SRGAP1: variants seen among roughly 807,000 people sequenced by gnomAD.
SRGAP1 encodes the protein SLIT-ROBO Rho GTPase-activating protein 1.
SRGAP1 carries 43 observed loss-of-function variants against 121.9 expected under a neutral mutation model. That is an observed-to-expected ratio of 0.35 (90% CI 0.28 to 0.46). The LOEUF is 0.46. SRGAP1 is among the 20% of genes least tolerant of loss of function. The pLI is 1.00. For synonymous variants in SRGAP1, 447 were observed against 485.4 expected, an observed-to-expected ratio of 0.92 and a Z score of 1.04; for missense variants, 1,102 against 1,350.9, an observed-to-expected ratio of 0.82 and a Z score of 2.89.
chr12:64,097,431 C>T, intron 15 of SRGAP1, 56 bp downstream of exon 15: 1 of 1,590,484 alleles, frequency 6.3e-7, no homozygotes, highest in Non-Finnish European at 8.6e-7. Flanking sequence ...TAGCTAACTT[C>T]CTGGAAAAGG....
rs532889233 is a variant in SRGAP1, at chr12:64,050,200, G to A, written c.801+6625G>A. On this transcript the variant is annotated intron_variant, in intron 6 of 21. Coordinates refer to ENST00000355086, the MANE Select transcript of SRGAP1 (RefSeq NM_020762.4). ...TTTCTTTTTCAGATTATGTGCTGTT[G>A]GCATATAGAAATGTTGATTTTGTAT... 3.9e-5 allele frequency among the ~76,000 whole-genome samples: 6 copies of A among 152,080 alleles called. No individual in the cohort carries two copies. In the East Asian group the frequency reaches 1.2e-3, roughly 29 times the overall value.
rs1279137521 is a variant in SRGAP1, at chr12:64,010,061, C to T, written c.427-6889C>T. On this transcript the variant is annotated intron_variant, in intron 3 of 21. Transcript: ENST00000355086. ...TGAGCTTTGGAAACTTAAAAGCACA[C>T]ATACTGTGGAAGTATGGCCTGATCC... 2.0e-5 allele frequency among the ~76,000 whole-genome samples: 3 copies of T among 152,144 alleles called. No individual in the cohort carries two copies. The East Asian group carries it at 5.8e-4, about 29-fold the overall frequency.
chr12:64,003,581 G>C (rs1210082800), intron 3 of SRGAP1, among the ~76,000 whole-genome samples: 1 of 150,606 alleles, frequency 6.6e-6, no homozygotes, highest in Admixed American at 6.6e-5. Context: ...CTCAATATCA[G>C]AATGGAGCTA....
intron 6 of SRGAP1, among the ~76,000 whole-genome samples, chr12:64,050,796 C>T (rs1029968028): frequency 1.6e-4 from 25 of 152,192 alleles, no homozygotes; most frequent in Admixed American, 5.9e-4. Context: ...GCAATCTCAG[C>T]TCACTGCAAC....
Position 64,143,005 on chromosome 12 carries a change from C to A in SRGAP1, c.*333C>A. 1 of 251,510 alleles carries A rather than the reference C, an allele frequency of 4.0e-6. No homozygotes were observed. The highest frequency in any genetic ancestry group is 7.8e-6 in the Non-Finnish European group (1 of 128,938). 15.6% of individuals were successfully genotyped at this position (251,510 alleles called of 1,614,324 possible). A position where few individuals can be genotyped will look rare whatever the true frequency, so the allele number is the denominator to read the frequency against. The stretch of plus-strand genomic sequence containing the variant: ...CAGGTTTAATGTAGCCCAGCTGAGT[C>A]AGAAAGGTTGTGACCTGAAGGCAGA... On this transcript the variant is annotated 3_prime_UTR_variant, in exon 22 of 22. Coordinates refer to ENST00000355086, the MANE Select transcript of SRGAP1 (RefSeq NM_020762.4).
chr12:63,881,182 A>G (rs922182397), intron 1 of SRGAP1, among the ~76,000 whole-genome samples: 6 of 152,196 alleles, frequency 3.9e-5, no homozygotes. Context: ...TAGAGTACAC[A>G]CAATGGTGTG....
chr12:63,935,315 A>G (rs1008658335), intron 1 of SRGAP1, among the ~76,000 whole-genome samples: 2 of 152,222 alleles, frequency 1.3e-5, no homozygotes, highest in African/African-American at 4.8e-5. Context: ...AAAAGCAGAT[A>G]AATTAGTCGA....
intron 3 of SRGAP1, among the ~76,000 whole-genome samples, chr12:63,999,676 G>A (rs1231429210): frequency 2.0e-5 from 3 of 152,112 alleles, no homozygotes; most frequent in Admixed American, 6.5e-5. Flanking sequence ...TGATGGGAAC[G>A]GGATTATGGA....
In SRGAP1 at chr12:64,146,186, CCATT is replaced by C. The variant is rs558505696; in HGVS notation, c.*3517_*3520del. 5.3e-5 allele frequency: 8 copies of C among 152,290 alleles called. No individual in the cohort carries two copies. In the East Asian group the frequency reaches 1.5e-3, roughly 29 times the overall value. The allele number at this position is 152,290 out of a possible 1,614,324, so 9.4% of individuals were successfully genotyped here. A position where few individuals can be genotyped will look rare whatever the true frequency, so the allele number is the denominator to read the frequency against. ...TCCATGTTCACGTTCAGTGTCAACA[CCATT>C]CAACAGCTTTGCACATCTTCGTACA... On this transcript the variant is annotated 3_prime_UTR_variant, in exon 22 of 22. Coordinates refer to ENST00000355086, the MANE Select transcript of SRGAP1 (RefSeq NM_020762.4).
intron 4 of SRGAP1, among the ~76,000 whole-genome samples, chr12:64,018,361 C>G (rs6581521): frequency 0.52 from 79,362 of 151,942 alleles, 22,759 homozygotes; most frequent in African/African-American, 0.76. Context: ...AAAGTGTTGG[C>G]ATTACAGGCA....
Position 63,948,954 on chromosome 12 carries a change from TC to T in SRGAP1, c.68-34991del, listed in dbSNP as rs1245768153. ...ATATATATATTTTCCATATATATAT[TC>T]CATATATATATTTTCCATATATATA... On this transcript the variant is annotated intron_variant, in intron 1 of 21. Coordinates refer to ENST00000355086, the MANE Select transcript of SRGAP1 (RefSeq NM_020762.4). Among the ~76,000 whole-genome samples the T allele has an allele frequency of 2.8e-3, 241 of 84,756 alleles. 80 individuals are homozygous for T. Among genetic ancestry groups the T allele is most frequent in the East Asian group, 0.012 (23 of 1,900 alleles). The allele number at this position is 84,756 out of a possible 152,430, so 55.6% of individuals were successfully genotyped here. A position where few individuals can be genotyped will look rare whatever the true frequency, so the allele number is the denominator to read the frequency against.
At chr12:64,102,739 T>G (rs1413829072) in intron 15 of SRGAP1, among the ~76,000 whole-genome samples, 1 of 152,186 alleles carries the variant, frequency 6.6e-6, no homozygotes, top group East Asian at 1.9e-4. Context: ...ACAGTAGGTA[T>G]CAGTACTTCA....
intron 1 of SRGAP1, among the ~76,000 whole-genome samples, chr12:63,970,116 G>A (rs1051526522): frequency 7.2e-5 from 11 of 151,858 alleles, no homozygotes; most frequent in Non-Finnish European, 1.6e-4. Flanking sequence ...TACTACTTCC[G>A]CCTCTTTTCC....
chr12:64,012,257 G>T (rs2034273709), intron 3 of SRGAP1, among the ~76,000 whole-genome samples: 1 of 152,132 alleles, frequency 6.6e-6, no homozygotes, highest in Non-Finnish European at 1.5e-5. Flanking sequence ...AATAGGCTTG[G>T]AATTAAACTC....
intron 11 of SRGAP1, among the ~76,000 whole-genome samples, chr12:64,090,669 G>GTC (rs1210793971): frequency 6.6e-6 from 1 of 152,066 alleles, no homozygotes; most frequent in Non-Finnish European, 1.5e-5. Flanking sequence ...GGGGGACTCC[G>GTC]TCTCTATAAA....
At chr12:64,011,237 A>T (rs991928933) in intron 3 of SRGAP1, among the ~76,000 whole-genome samples, 1 of 152,066 alleles carries the variant, frequency 6.6e-6, no homozygotes, top group Non-Finnish European at 1.5e-5. Context: ...AAGCCTTTCA[A>T]CAATTTTAAT....
At chr12:63,912,828 G>T (rs1156606708) in intron 1 of SRGAP1, among the ~76,000 whole-genome samples, 1 of 152,096 alleles carries the variant, frequency 6.6e-6, no homozygotes, top group Non-Finnish European at 1.5e-5. Flanking sequence ...TAGGACGAGG[G>T]TTCATGGCCT....
chr12:64,039,347 C>T (rs1042326786), intron 4 of SRGAP1, among the ~76,000 whole-genome samples: 1 of 152,098 alleles, frequency 6.6e-6, no homozygotes, highest in East Asian at 1.9e-4. Flanking sequence ...AAATGTTTTC[C>T]TTTTAACCCA....
chr12:64,113,843 C>T (rs956995558), intron 17 of SRGAP1, among the ~76,000 whole-genome samples: 1 of 152,156 alleles, frequency 6.6e-6, no homozygotes, highest in African/African-American at 2.4e-5. Context: ...TCTTCTTACT[C>T]AGCAACCTCC....
Sources: allele counts gnomAD v4.1 joint callset (sites outside exome capture counted in the v4.1 genomes callset), GRCh38; gene constraint gnomAD v4.1.1; transcripts MANE v1.5; gene names NCBI Gene and HGNC (gene_info 2026-07-23, HGNC 2026-07-21).